The following AUTS2 variants were observed in gnomAD, a reference collection of about 807,000 sequenced individuals.
AUTS2 encodes the protein activator of transcription and developmental regulator AUTS2, also known as autism susceptibility gene 2 protein.
AUTS2 carries 17 observed loss-of-function variants against 112.4 expected under a neutral mutation model. The ratio of observed to expected loss-of-function variants is 0.15; its 90% CI spans 0.10 to 0.23. The LOEUF (loss-of-function observed/expected upper bound fraction) is 0.23. Ranked by LOEUF, AUTS2 falls within the 10% of genes least tolerant of loss-of-function variation. The pLI, the probability that AUTS2 is intolerant of heterozygous loss-of-function variation, is 1.00. For missense variants in AUTS2, 1,510 were observed against 1,701.6 expected (o/e 0.89, Z 1.98); for synonymous variants, 751 against 702.7 (o/e 1.07, Z -1.09).
intron 5 of AUTS2, among the ~76,000 whole-genome samples, chr7:70,641,999 T>C (rs1805859675): frequency 6.6e-6 from 1 of 152,202 alleles, no homozygotes; most frequent in Non-Finnish European, 1.5e-5. Flanking sequence ...AAGCACACAC[T>C]GTCACCATAA....
chr7:70,527,095 CT>C (rs1462445804), intron 5 of AUTS2, among the ~76,000 whole-genome samples: 1 of 152,216 alleles, frequency 6.6e-6, no homozygotes, highest in Non-Finnish European at 1.5e-5. Flanking sequence ...ACCCTTTGCT[CT>C]CCTTTGCTCA....
chr7:70,536,148 C>T (rs934276675), intron 5 of AUTS2, among the ~76,000 whole-genome samples: 1 of 151,692 alleles, frequency 6.6e-6, no homozygotes, highest in Admixed American at 6.6e-5. Flanking sequence ...GCCAACATGG[C>T]GAAACCCTGT....
At chr7:69,621,296 G>A (rs1167875522) in intron 1 of AUTS2, among the ~76,000 whole-genome samples, 1 of 152,052 alleles carries the variant, frequency 6.6e-6, no homozygotes, top group Admixed American at 6.6e-5. Context: ...CTACATAAGG[G>A]AACTAAATAA....
intron 4 of AUTS2, among the ~76,000 whole-genome samples, chr7:70,327,178 A>G (rs1398160043): frequency 1.3e-5 from 2 of 152,070 alleles, no homozygotes; most frequent in African/African-American, 4.8e-5. Context: ...TTGGCATCCC[A>G]AAGTGCTGGG....
intron 2 of AUTS2, among the ~76,000 whole-genome samples, chr7:69,902,983 A>C (rs1400651756): frequency 1.3e-5 from 2 of 152,212 alleles, no homozygotes; most frequent in Non-Finnish European, 2.9e-5. Context: ...GAAATCAATA[A>C]ATTACCTCTT....
At chr7:69,901,225 T>C (rs1469609711) in intron 2 of AUTS2, among the ~76,000 whole-genome samples, 1 of 152,160 alleles carries the variant, frequency 6.6e-6, no homozygotes, top group Non-Finnish European at 1.5e-5. Flanking sequence ...GTGTGAGATA[T>C]GTGAGAAAAG....
chr7:70,038,692 C>T (rs926187402), intron 2 of AUTS2, among the ~76,000 whole-genome samples: 8 of 152,000 alleles, frequency 5.3e-5, no homozygotes, highest in South Asian at 2.1e-4. Flanking sequence ...GAAATAGACC[C>T]AATTCAAGCT....
intron 2 of AUTS2, among the ~76,000 whole-genome samples, chr7:69,932,767 A>G (rs959738530): frequency 6.6e-6 from 1 of 152,248 alleles, no homozygotes; most frequent in African/African-American, 2.4e-5. Context: ...TAATTGTTAC[A>G]TTCAAATCCA....
intron 4 of AUTS2, among the ~76,000 whole-genome samples, chr7:70,234,879 C>T (rs1483984939): frequency 6.6e-6 from 1 of 152,158 alleles, no homozygotes; most frequent in Non-Finnish European, 1.5e-5. Context: ...GGAAGCTGCT[C>T]ACCGTCCTAT....
chr7:69,624,234 C>T (rs1431598687), intron 1 of AUTS2, among the ~76,000 whole-genome samples: 1 of 152,176 alleles, frequency 6.6e-6, no homozygotes, highest in Non-Finnish European at 1.5e-5. Flanking sequence ...TATCTTCTGA[C>T]TCTAATAAAC....
chr7:70,552,488 A>C (rs1778723691), intron 5 of AUTS2, among the ~76,000 whole-genome samples: 1 of 152,342 alleles, frequency 6.6e-6, no homozygotes, highest in Admixed American at 6.5e-5. Context: ...TTTCAGCAAA[A>C]GAAACTTCTG....
chr7:70,648,572 G>T (rs759464774), intron 5 of AUTS2, among the ~76,000 whole-genome samples: 2 of 152,056 alleles, frequency 1.3e-5, no homozygotes, highest in Non-Finnish European at 2.9e-5. Flanking sequence ...TTTGGTTTTT[G>T]GTTTTTTGTT....
intron 1 of AUTS2, among the ~76,000 whole-genome samples, chr7:69,763,485 ATTTGAAATGGCTCCATCTCTAGTACATC>A (rs1294408477): frequency 6.6e-6 from 1 of 152,214 alleles, no homozygotes; most frequent in Non-Finnish European, 1.5e-5. Flanking sequence ...TTGTAGGTCC[ATTTGAAATGGCTCCATCTCTAGTACATC>A]TTTCCTGACT....
At chr7:69,994,536 T>C (rs747364152) in intron 2 of AUTS2, among the ~76,000 whole-genome samples, 13 of 152,284 alleles carry the variant, frequency 8.5e-5, no homozygotes, top group Non-Finnish European at 1.8e-4. Context: ...TGTGTGAATA[T>C]GTTAGAATAG....
At chr7:69,950,842 G>C (rs1402059961) in intron 2 of AUTS2, among the ~76,000 whole-genome samples, 2 of 152,128 alleles carry the variant, frequency 1.3e-5, no homozygotes. Flanking sequence ...TCTTAGAAAG[G>C]GTGGATTTGG....
intron 4 of AUTS2, among the ~76,000 whole-genome samples, chr7:70,369,342 G>A (rs1049784996): frequency 6.6e-6 from 1 of 152,152 alleles, no homozygotes; most frequent in South Asian, 2.1e-4. Flanking sequence ...GTGTTGTTTG[G>A]TCAGTGGGGC....
At chr7:70,464,282 A>G (rs192457832) in intron 5 of AUTS2, among the ~76,000 whole-genome samples, 1 of 152,328 alleles carries the variant, frequency 6.6e-6, no homozygotes, top group East Asian at 1.9e-4. Flanking sequence ...CTATTCTCTA[A>G]GAGCTCCTAG....
At chr7:70,211,556 G>A (rs1810895281) in intron 4 of AUTS2, among the ~76,000 whole-genome samples, 1 of 151,756 alleles carries the variant, frequency 6.6e-6, no homozygotes, top group African/African-American at 2.4e-5. Flanking sequence ...GGCTGAGGCA[G>A]GAGAATGGCG....
At chr7:69,785,264 C>T (rs1041489534) in intron 1 of AUTS2, among the ~76,000 whole-genome samples, 1 of 152,204 alleles carries the variant, frequency 6.6e-6, no homozygotes, top group Admixed American at 6.5e-5. Flanking sequence ...GATTTAGCTT[C>T]TCTTTGTTTC....
Sources: gnomAD v4.1 joint callset for allele counts (sites outside exome capture counted in the v4.1 genomes callset) on GRCh38, gnomAD v4.1.1 for gene constraint, MANE v1.5 for transcripts, NCBI Gene and HGNC (gene_info 2026-07-23, HGNC 2026-07-21) for gene names.